NCF2: variants seen among roughly 807,000 people sequenced by gnomAD.
NCF2 encodes neutrophil cytosolic factor 2.
In NCF2, 45 loss-of-function variants were observed where a neutral mutation model predicts 70.9. That is an observed-to-expected ratio of 0.63 (90% CI 0.50 to 0.81). The LOEUF (loss-of-function observed/expected upper bound fraction) is 0.81, where lower values mean the gene tolerates loss of function less well. NCF2 is among the 40% of genes least tolerant of loss of function. The probability of loss-of-function intolerance (pLI) is 0.00; values close to 1 mark genes in which losing one functional copy is unlikely to be tolerated. For missense variants in NCF2, 522 were observed against 631.6 expected (o/e 0.83, Z 1.86); for synonymous variants, 203 against 233.6 (o/e 0.87, Z 1.19).
intron 1 of NCF2, among the ~76,000 whole-genome samples, chr1:183,587,595 CAAAAAAAAAAAAAAAAAA>C (rs11287969): frequency 2.4e-5 from 1 of 41,858 alleles, no homozygotes. Context: ...CACCCTGTCT[CAAAAAAAAAAAAAAAAAA>C]AAAAAAAAAA....
Position 183,587,821 on chromosome 1 carries a change from T to C in NCF2, c.175-844A>G, listed in dbSNP as rs35824065. On this transcript the variant is annotated intron_variant, in intron 1 of 14. Coordinates refer to ENST00000367535, the MANE Select transcript of NCF2 (RefSeq NM_000433.4). ...CCTTCTCTGAGACTAGAATTCAGAA[T>C]AGATAATTTAGACATTTACCTGATA... is the stretch of plus-strand genomic sequence containing the variant. Among the ~76,000 whole-genome samples the C allele has an allele frequency of 7.9e-3, 1,198 of 152,206 alleles. 18 individuals carry two copies. The highest frequency in any genetic ancestry group is 0.027 in the African/African-American group (1,128 of 41,544).
At position 183,563,178 on chromosome 1, in the gene NCF2, C is replaced by T. The variant is rs951905752; in HGVS notation, c.1290+17G>A. 6.2e-7 allele frequency: 1 copy of T among 1,607,430 alleles called. No homozygotes were observed. The highest frequency in any genetic ancestry group is 8.5e-7 in the Non-Finnish European group (1 of 1,173,974). On this transcript the variant is annotated intron_variant, in intron 13 of 14. Coordinates refer to ENST00000367535, the MANE Select transcript of NCF2 (RefSeq NM_000433.4). ...CTCAGTGGAAATGTAACTTTAGATG[C>T]CCCTCATTGCACTCACCACTGTGTT... is the stretch of plus-strand genomic sequence containing the variant.
intron 2 of NCF2, among the ~76,000 whole-genome samples, chr1:183,580,681 A>G (rs1262448479): frequency 1.3e-5 from 2 of 152,146 alleles, no homozygotes; most frequent in African/African-American, 4.8e-5. Context: ...CTAGCCCATC[A>G]AGATGTCTAC....
At chr1:183,582,866 G>A (rs923667430) in intron 2 of NCF2, among the ~76,000 whole-genome samples, 1 of 152,158 alleles carries the variant, frequency 6.6e-6, no homozygotes, top group Non-Finnish European at 1.5e-5. Context: ...CAGCTTGGCT[G>A]TTATCCCTGA....
At chr1:183,599,981 A>G in the NCF2 span, among the ~76,000 whole-genome samples, 1 of 152,236 alleles carries the variant, frequency 6.6e-6, no homozygotes, top group Admixed American at 6.5e-5. Context: ...ATGTTCACTG[A>G]ATCTTCTTAA....
At chr1:183,588,530 C>A (rs578051001) in intron 1 of NCF2, among the ~76,000 whole-genome samples, 1 of 150,428 alleles carries the variant, frequency 6.6e-6, no homozygotes, top group Admixed American at 6.6e-5. Context: ...GAAATTTTAA[C>A]CCTTGTTGCA....
At chr1:183,599,742 A>C in the NCF2 span, among the ~76,000 whole-genome samples, 1 of 151,852 alleles carries the variant, frequency 6.6e-6, no homozygotes, top group South Asian at 2.1e-4. Context: ...TAGTAGAGAC[A>C]GGGCTTCTCC....
chr1:183,568,143 T>C (rs975732752), intron 7 of NCF2, among the ~76,000 whole-genome samples: 4 of 151,962 alleles, frequency 2.6e-5, no homozygotes, highest in African/African-American at 9.7e-5. Context: ...CCCTCATTTT[T>C]GTAGTTGCTT....
intron 6 of NCF2, among the ~76,000 whole-genome samples, chr1:183,569,627 C>T (rs1405166724): frequency 2.0e-5 from 3 of 152,122 alleles, no homozygotes; most frequent in Admixed American, 6.5e-5. Context: ...TTCACTCTGT[C>T]GCCCAGGCTG....
intron 2 of NCF2, among the ~76,000 whole-genome samples, chr1:183,581,475 A>G (rs1332555531): frequency 6.6e-6 from 1 of 151,580 alleles, no homozygotes; most frequent in East Asian, 1.9e-4. Context: ...CTCTAAAAAA[A>G]AAAAGATTAC....
upstream of NCF2, among the ~76,000 whole-genome samples, chr1:183,594,426 C>T (rs576199975): frequency 2.6e-5 from 4 of 152,228 alleles, no homozygotes; most frequent in Non-Finnish European, 5.9e-5. Context: ...ATAAAAATAA[C>T]GTTTTCTACA....
At chr1:183,561,768 A>T (rs1287363607) in intron 13 of NCF2, among the ~76,000 whole-genome samples, 2 of 132,810 alleles carry the variant, frequency 1.5e-5, no homozygotes, top group South Asian at 4.6e-4. Flanking sequence ...GGCATAAACC[A>T]TACCAGGCCT....
At chr1:183,592,617 G>A (rs1357482735), upstream of NCF2, among the ~76,000 whole-genome samples, 2 of 152,182 alleles carry the variant, frequency 1.3e-5, no homozygotes, top group African/African-American at 4.8e-5. Flanking sequence ...AGCAGTGATG[G>A]CAGAAAGAGG....
intron 14 of NCF2, among the ~76,000 whole-genome samples, 174 bp downstream of exon 14, chr1:183,559,922 G>A (rs1671967314): frequency 6.6e-6 from 1 of 152,210 alleles, no homozygotes; most frequent in Admixed American, 6.5e-5. Flanking sequence ...TAGAGCAATA[G>A]ACAGGGAAAG....
At chr1:183,585,706 A>G (rs556953668) in intron 2 of NCF2, among the ~76,000 whole-genome samples, 6 of 152,186 alleles carry the variant, frequency 3.9e-5, no homozygotes, top group African/African-American at 1.4e-4. Flanking sequence ...CAGTTTCTAC[A>G]AAGGGTCAGT....
At chr1:183,573,092 A>G (rs1558098113) in intron 5 of NCF2, 93 bp downstream of exon 5, 1 of 1,153,438 alleles carries the variant, frequency 8.7e-7, no homozygotes, top group Non-Finnish European at 1.3e-6. Flanking sequence ...CAGAGCCACA[A>G]GGAGGCTACC....
chr1:183,601,629 G>A, the NCF2 span, among the ~76,000 whole-genome samples: 9 of 151,992 alleles, frequency 5.9e-5, no homozygotes, highest in Admixed American at 4.6e-4. Context: ...AGGTTGAGGC[G>A]GGTGGGTCAC....
chr1:183,561,815 T>A (rs1339983335), intron 13 of NCF2, among the ~76,000 whole-genome samples: 1 of 87,474 alleles, frequency 1.1e-5, no homozygotes, highest in Non-Finnish European at 2.5e-5. Flanking sequence ...TTTTTTTTTT[T>A]TTGAGGCAGA....
At chr1:183,570,746 C>T in intron 6 of NCF2, 34 bp downstream of exon 6, 1 of 1,608,340 alleles carries the variant, frequency 6.2e-7, no homozygotes, top group Non-Finnish European at 8.5e-7. Flanking sequence ...GCTCTCGAGA[C>T]CTAGGTCCAT....
Sources: allele counts gnomAD v4.1 joint callset (sites outside exome capture counted in the v4.1 genomes callset), GRCh38; gene constraint gnomAD v4.1.1; transcripts MANE v1.5; gene names NCBI Gene and HGNC (gene_info 2026-07-23, HGNC 2026-07-21).